The following RASSF6 variants were observed in gnomAD, a reference collection of about 807,000 sequenced individuals.
RASSF6 encodes the protein ras association domain-containing protein 6.
In RASSF6, 52 loss-of-function variants were observed where a neutral mutation model predicts 44.0. That is an observed-to-expected ratio of 1.18 (90% CI 0.95 to 1.49). The LOEUF (loss-of-function observed/expected upper bound fraction) is 1.49. Ranked by LOEUF, RASSF6 falls within the 40% of genes most tolerant of loss-of-function variation. The pLI is 0.00. For missense variants in RASSF6, 464 were observed against 393.3 expected, an observed-to-expected ratio of 1.18 and a Z score of -1.52; for synonymous variants, 162 against 124.6, an observed-to-expected ratio of 1.30 and a Z score of -2.00.
chr4:73,604,144 T>C (rs1209869657), intron 2 of RASSF6: 1 of 152,190 alleles, frequency 6.6e-6, no homozygotes, highest in African/African-American at 2.4e-5. Flanking sequence ...CTTGGAGACT[T>C]GCTGAAAAAT....
intron 3 of RASSF6, among the ~76,000 whole-genome samples, chr4:73,595,890 T>C (rs1038405007): frequency 6.6e-5 from 10 of 152,182 alleles, no homozygotes; most frequent in Non-Finnish European, 1.3e-4. Flanking sequence ...GTAAATTTCC[T>C]TCTGTCCAAA....
Position 73,587,895 on chromosome 4 carries a change from A to G in RASSF6, c.327T>C (p.Ile109=). The G allele has an allele frequency of 6.2e-7, 1 of 1,610,528 alleles. No individual in the cohort carries two copies. The highest frequency in any genetic ancestry group is 1.1e-5 in the South Asian group (1 of 90,826). Residue 109 remains isoleucine, a synonymous_variant, in exon 5 of 11, where the codon ATT becomes ATC. Coordinates refer to ENST00000307439, the MANE Select transcript of RASSF6 (RefSeq NM_177532.5). The part of the protein sequence containing the change: ...RWGEFDDLYR[I]SELDRTQIPM... ...GAATCTGGGTCCTGTCCAGCTCACTAATACGATAGAGATCGTCAAATTCCC... is the reference window on the plus strand; with the variant it reads ...GAATCTGGGTCCTGTCCAGCTCACTGATACGATAGAGATCGTCAAATTCCC...
intron 2 of RASSF6, among the ~76,000 whole-genome samples, chr4:73,599,525 G>A (rs1049123103): frequency 6.6e-6 from 1 of 152,198 alleles, no homozygotes; most frequent in Non-Finnish European, 1.5e-5. Flanking sequence ...AACAGCTGTG[G>A]TAAGGAATGC....
intron 3 of RASSF6, among the ~76,000 whole-genome samples, chr4:73,597,850 C>G (rs1725035521): frequency 6.6e-6 from 1 of 152,158 alleles, no homozygotes; most frequent in Non-Finnish European, 1.5e-5. Context: ...TCATTCTTAG[C>G]AAACTGATGC....
chr4:73,613,764 C>T (rs1316723379), intron 1 of RASSF6, among the ~76,000 whole-genome samples: 2 of 152,126 alleles, frequency 1.3e-5, no homozygotes, highest in South Asian at 4.1e-4. Context: ...TAACAATCAC[C>T]TCACTCTATT....
Position 73,575,932 on chromosome 4 carries a change from T to A in RASSF6, c.*303A>T. On this transcript the variant is annotated 3_prime_UTR_variant, in exon 11 of 11. Coordinates refer to ENST00000307439, the MANE Select transcript of RASSF6 (RefSeq NM_177532.5). ...AGTCCAAGCTAAATGAAGTTTAAAC[T>A]GCTTATCTGAAGACACCATTTAAAT... 1 of 204,450 alleles carries A rather than the reference T, an allele frequency of 4.9e-6. No individual in the cohort carries two copies. Among genetic ancestry groups the A allele is most frequent in the Non-Finnish European group, 9.7e-6 (1 of 103,030 alleles). 12.7% of individuals were successfully genotyped at this position (204,450 alleles called of 1,614,324 possible).
At chr4:73,594,750 C>T (rs1390779419) in intron 3 of RASSF6, among the ~76,000 whole-genome samples, 1 of 152,144 alleles carries the variant, frequency 6.6e-6, no homozygotes, top group African/African-American at 2.4e-5. Context: ...ACAATTTATT[C>T]CTTGAAATGA....
intron 2 of RASSF6, among the ~76,000 whole-genome samples, chr4:73,606,685 G>A (rs1006028359): frequency 1.3e-5 from 2 of 151,222 alleles, no homozygotes; most frequent in African/African-American, 4.9e-5. Context: ...ACACAGGTGT[G>A]CCACACAACA....
At position 73,585,234 on chromosome 4, in the gene RASSF6, T is replaced by A. The variant is rs1723988753; in HGVS notation, c.513A>T (p.Arg171Ser). The A allele has an allele frequency of 6.8e-6, 11 of 1,612,600 alleles. No homozygotes were observed. The highest frequency in any genetic ancestry group is 8.5e-6 in the Non-Finnish European group (10 of 1,179,146). Residue 171 changes from arginine (R) to serine (S), a missense_variant, in exon 6 of 11, where the codon AGA becomes AGT. Physicochemically the swap from Arg to Ser is moderately radical, Grantham distance 110. Coordinates refer to ENST00000307439, the MANE Select transcript of RASSF6 (RefSeq NM_177532.5). ...RKRMKPLMMD[R>S]KERQKNRASI... The stretch of plus-strand genomic sequence containing the variant: ...AGGCTCTATTTTTCTGTCTTTCTTT[T>A]CTGTCCATCATCAGAGGCTTCATCC...
intron 1 of RASSF6, among the ~76,000 whole-genome samples, chr4:73,618,301 T>TTAACTATCTATCTATCTATCTATC (rs1553906718): frequency 6.7e-6 from 1 of 150,216 alleles, no homozygotes; most frequent in East Asian, 2.0e-4. Flanking sequence ...TATAAAGTTG[T>TTAACTATCTATCTATCTATCTATC]TATCTATCTA....
chr4:73,599,595 A>C (rs1725150845), intron 2 of RASSF6, among the ~76,000 whole-genome samples: 1 of 152,042 alleles, frequency 6.6e-6, no homozygotes, highest in Non-Finnish European at 1.5e-5. Flanking sequence ...ACTGGCTCTT[A>C]CCATACCTCT....
chr4:73,582,844 G>GCA (rs375999816), intron 6 of RASSF6, among the ~76,000 whole-genome samples: 24 of 150,868 alleles, frequency 1.6e-4, no homozygotes, highest in South Asian at 1.3e-3. Flanking sequence ...CATGTAACAC[G>GCA]CACACACACA....
chr4:73,595,352 C>A (rs972949754), intron 3 of RASSF6, among the ~76,000 whole-genome samples: 2 of 152,010 alleles, frequency 1.3e-5, no homozygotes, highest in African/African-American at 4.8e-5. Context: ...CACCACCATG[C>A]CTGGGTAATT....
chr4:73,576,064 C>T lies in RASSF6; in HGVS notation c.*171G>A, dbSNP rs952783814. ...CAAACTCATTTTGTCCAACTGTGAA[C>T]CCTAATTAACCTCATCACTTCAAAA... On this transcript the variant is annotated 3_prime_UTR_variant, in exon 11 of 11. Coordinates refer to ENST00000307439, the MANE Select transcript of RASSF6 (RefSeq NM_177532.5). 5 of 480,242 alleles carry T rather than the reference C, an allele frequency of 1.0e-5. No homozygotes were observed. The highest frequency in any genetic ancestry group is 1.8e-5 in the Non-Finnish European group (5 of 272,980). The allele number at this position is 480,242 out of a possible 1,614,324, so 29.7% of individuals were successfully genotyped here.
At chr4:73,586,105 G>A (rs1333685391) in intron 5 of RASSF6, among the ~76,000 whole-genome samples, 1 of 150,448 alleles carries the variant, frequency 6.6e-6, no homozygotes, top group Non-Finnish European at 1.5e-5. Context: ...TATATGGTAT[G>A]TGGAGCATTG....
chr4:73,608,685 C>T (rs922986906), intron 2 of RASSF6, among the ~76,000 whole-genome samples: 1 of 152,224 alleles, frequency 6.6e-6, no homozygotes, highest in African/African-American at 2.4e-5. Context: ...TAAGTCAGAA[C>T]AGGCTCTCTT....
intron 2 of RASSF6, 25 bp from the exon 3 acceptor site, chr4:73,598,743 CA>C: frequency 9.7e-7 from 1 of 1,035,566 alleles, no homozygotes; most frequent in Non-Finnish European, 1.4e-6. Flanking sequence ...AAATTAATTA[CA>C]ATCAGTCTTA....
At chr4:73,578,609 T>C (rs1325506307) in intron 8 of RASSF6, among the ~76,000 whole-genome samples, 1 of 151,148 alleles carries the variant, frequency 6.6e-6, no homozygotes, top group African/African-American at 2.4e-5. Context: ...ATTTTTATTG[T>C]ACACACCTTT....
At chr4:73,594,989 A>C (rs1007914026) in intron 3 of RASSF6, among the ~76,000 whole-genome samples, 8 of 152,202 alleles carry the variant, frequency 5.3e-5, no homozygotes, top group Non-Finnish European at 1.0e-4. Context: ...TAATTGATTA[A>C]TTAACCAAAG....
Sources: allele counts gnomAD v4.1 joint callset (sites outside exome capture counted in the v4.1 genomes callset), GRCh38; gene constraint gnomAD v4.1.1; transcripts MANE v1.5; gene names NCBI Gene and HGNC (gene_info 2026-07-23, HGNC 2026-07-21).